Variants in MAMDC4 observed in about 807,000 individuals in gnomAD.
MAMDC4 encodes apical endosomal glycoprotein.
In MAMDC4, 168 loss-of-function variants were observed where a neutral mutation model predicts 153.3. That is an observed-to-expected ratio of 1.10 (90% CI 0.97 to 1.25). MAMDC4 has a LOEUF of 1.25. Among genes scored for constraint, MAMDC4 ranks in the 50% most tolerant of loss-of-function variants. The pLI, the probability that MAMDC4 is intolerant of heterozygous loss-of-function variation, is 0.00. For synonymous variants in MAMDC4, 744 were observed against 651.5 expected, an observed-to-expected ratio of 1.14 and a Z score of -2.16; for missense variants, 1,701 against 1,542.8, an observed-to-expected ratio of 1.10 and a Z score of -1.72.
rs774212328 is a variant in MAMDC4 at position 136,853,830 on chromosome 9, T to TGGCAGAGCACAGGGCCCTGG, written c.512_531dup (p.Pro178ArgfsTer15). On this transcript the variant is annotated frameshift_variant, in exon 5 of 27. Transcript: ENST00000317446. LOFTEE classifies it high-confidence loss of function. ...CCATGGCGCAGAGACCCTGACCCTG[T>TGGCAGAGCACAGGGCCCTGG]GGCAGAGCACAGGGCCCTGGGGCCC... 10 of 1,560,692 alleles carry TGGCAGAGCACAGGGCCCTGG rather than the reference T, an allele frequency of 6.4e-6. No individual in the cohort carries two copies. Among genetic ancestry groups the TGGCAGAGCACAGGGCCCTGG allele is most frequent in the East Asian group, 2.2e-5 (1 of 44,862 alleles).
chr9:136,853,525 T>G lies in MAMDC4; in HGVS notation c.329-20T>G. On this transcript the variant is annotated intron_variant, in intron 3 of 26. Transcript: ENST00000317446. Reference sequence around the variant, plus strand: ...CCTCCTTGCTCCCTGCCCCGTCTCCTGACCTCTCACCTGCGCCAGGCTGGT... The same window carrying G: ...CCTCCTTGCTCCCTGCCCCGTCTCCGGACCTCTCACCTGCGCCAGGCTGGT... 6.2e-7 allele frequency: 1 copy of G among 1,612,576 alleles called. No homozygotes were observed. The highest frequency in any genetic ancestry group is 8.5e-7 in the Non-Finnish European group (1 of 1,179,932).
Position 136,854,021 on chromosome 9 carries a change from C to A in MAMDC4, c.615C>A (p.Thr205=). The change falls in exon 6 of 27, where the codon ACC becomes ACA. Residue 205 remains threonine (T), a synonymous_variant. Transcript: ENST00000317446. ...RVTFSATRNA[T]HRGAVALDDL... ...CCTTCTCTGCCACCCGAAATGCCACCCACAGGGGCGCTGTGGCTCTAGATG... is the reference window on the plus strand; with the variant it reads ...CCTTCTCTGCCACCCGAAATGCCACACACAGGGGCGCTGTGGCTCTAGATG... 6.2e-7 allele frequency: 1 copy of A among 1,612,956 alleles called. No homozygotes were observed. Among genetic ancestry groups the A allele is most frequent in the Non-Finnish European group, 8.5e-7 (1 of 1,179,944 alleles).
Position 136,860,543 on chromosome 9 carries a change from C to T in MAMDC4, c.3373-19C>T, listed in dbSNP as rs558363523. On this transcript the variant is annotated intron_variant, in intron 26 of 26. Coordinates refer to ENST00000317446, the MANE Select transcript of MAMDC4 (RefSeq NM_206920.3). Reference sequence around the variant, plus strand: ...TCTCAGGAAAGAAAGAAAAAAAAAGCTCCTCTTCCTCCTCCTAGGATGGTG... The same window carrying T: ...TCTCAGGAAAGAAAGAAAAAAAAAGTTCCTCTTCCTCCTCCTAGGATGGTG... The T allele has an allele frequency of 6.2e-7, 1 of 1,608,292 alleles. No individual in the cohort carries two copies. The highest frequency in any genetic ancestry group is 2.2e-5 in the East Asian group (1 of 44,762).
chr9:136,853,975 G>T lies in MAMDC4; in HGVS notation c.586-17G>T. 1 of 1,612,986 alleles carries T rather than the reference G, an allele frequency of 6.2e-7. No homozygotes were observed. Among genetic ancestry groups the T allele is most frequent in the Non-Finnish European group, 8.5e-7 (1 of 1,179,944 alleles). On this transcript the variant is annotated splice_polypyrimidine_tract_variant and intron_variant, in intron 5 of 26. Transcript: ENST00000317446. ...GTCTGGGCCCTGACTTAGGTCCTAA[G>T]AGCCTGTTCTCTTCAGGTGACCTTC...
chr9:136,853,518 C>T (rs910463420), intron 3 of MAMDC4, 27 bp from the exon 4 acceptor site: 6 of 1,612,442 alleles, frequency 3.7e-6, no homozygotes, highest in Admixed American at 1.7e-5. Context: ...CTCCCTGCCC[C>T]GTCTCCTGAC....
rs899173609 is a variant in MAMDC4, at chr9:136,856,662, G to A, written c.1721-48G>A. The A allele has an allele frequency of 1.2e-5, 19 of 1,577,782 alleles. No homozygotes were observed. The Admixed American group carries it at 3.2e-4, about 26-fold the overall frequency. On this transcript the variant is annotated intron_variant, in intron 14 of 26. Coordinates refer to ENST00000317446, the MANE Select transcript of MAMDC4 (RefSeq NM_206920.3). The stretch of plus-strand genomic sequence containing the variant: ...GGAGCTTCCACCTTCTCAGGGCTCT[G>A]GAGGGGGAGGGGAGAAGGTGTGTGA...
chr9:136,856,669 G>C, intron 14 of MAMDC4, 41 bp from the exon 15 acceptor site: 1 of 1,588,942 alleles, frequency 6.3e-7, no homozygotes, highest in Non-Finnish European at 8.6e-7. Context: ...TCTGGAGGGG[G>C]AGGGGAGAAG....
Position 136,858,266 on chromosome 9 carries a change from C to A in MAMDC4, c.2664C>A (p.Cys888Ter). ...ATCTGCTCCTCCAGGACGGGCCCTG[C>A]CCTCAGCCAGGTGGGAGCCCTGCCG... is the stretch of plus-strand genomic sequence containing the variant. ...LDDLLLQDGP[C>*]PQPGSCDFES... is the part of the protein sequence containing the mutation. Residue 888 changes from cysteine (C) to a stop codon, truncating the protein, a stop_gained, in exon 21 of 27, where the codon TGC (cysteine) becomes TGA (stop). Coordinates refer to ENST00000317446, the MANE Select transcript of MAMDC4 (RefSeq NM_206920.3). LOFTEE classifies it high-confidence loss of function. 2 of 1,601,650 alleles carry A rather than the reference C, an allele frequency of 1.2e-6. No individual in the cohort carries two copies. The highest frequency in any genetic ancestry group is 1.7e-6 in the Non-Finnish European group (2 of 1,179,004).
In MAMDC4 at chr9:136,857,590, T is replaced by C. The variant is rs367899714; in HGVS notation, c.2326+4T>C. On this transcript the variant is annotated splice_donor_region_variant and intron_variant, in intron 18 of 26. Coordinates refer to ENST00000317446, the MANE Select transcript of MAMDC4 (RefSeq NM_206920.3). Reference sequence around the variant, plus strand: ...CATACCACTGAGACAGCCCAAGGTATGGGGGCCTGGCAGGGGCAGGGATTG... The same window carrying C: ...CATACCACTGAGACAGCCCAAGGTACGGGGGCCTGGCAGGGGCAGGGATTG... 8 of 1,612,188 alleles carry C rather than the reference T, an allele frequency of 5.0e-6. No individual in the cohort carries two copies. In the African/African-American group the frequency reaches 6.7e-5, roughly 13 times the overall value.
chr9:136,855,198 G>C, intron 10 of MAMDC4, 56 bp from the exon 11 acceptor site: 1 of 1,578,640 alleles, frequency 6.3e-7, no homozygotes, highest in Non-Finnish European at 8.6e-7. Flanking sequence ...GGGTGGACAG[G>C]GACCAGACCC....
rs1564388830 is a variant in MAMDC4 at position 136,858,749 on chromosome 9, TGGGCCCCGGGGGCC to T, written c.2858_2871del (p.Pro953ArgfsTer26). 1.1e-5 allele frequency: 18 copies of T among 1,611,654 alleles called. No individual in the cohort carries two copies. Among genetic ancestry groups the T allele is most frequent in the Non-Finnish European group, 1.5e-5 (18 of 1,179,572 alleles). On this transcript the variant is annotated frameshift_variant, in exon 23 of 27. Coordinates refer to ENST00000317446, the MANE Select transcript of MAMDC4 (RefSeq NM_206920.3). LOFTEE classifies it high-confidence loss of function. Reference sequence around the variant, plus strand: ...TTTGCCTTCTTTGAAACTGGCGTGCTGGGCCCCGGGGGCCGGGCCGCCTGGCTGCGCAGCGAGCC... The same window carrying T: ...TTTGCCTTCTTTGAAACTGGCGTGCTGGGCCGCCTGGCTGCGCAGCGAGCC...
At position 136,858,090 on chromosome 9, in the gene MAMDC4, C is replaced by T. The variant is rs1220947059; in HGVS notation, c.2576C>T (p.Ala859Val). Residue 859 changes from alanine (A) to valine (V), a missense_variant, in exon 20 of 27, where the codon GCC becomes GTC. Transcript: ENST00000317446. Reference protein sequence around the residue: ...LGSMDVQAERAWRVVFEAVAA... With the variant: ...LGSMDVQAERVWRVVFEAVAA... ...AGCATGGACGTGCAGGCCGAGCGAG[C>T]CTGGAGGGTGAGTGCAGGGTGGGGT... The T allele has an allele frequency of 3.3e-6, 5 of 1,532,828 alleles. No individual in the cohort carries two copies. The South Asian group carries it at 6.0e-5, about 18-fold the overall frequency. The allele number at this position is 1,532,828 out of a possible 1,614,324, so 95.0% of individuals were successfully genotyped here.
Position 136,853,307 on chromosome 9 carries a change from C to T in MAMDC4, c.177C>T (p.Thr59=), listed in dbSNP as rs1564384741. The T allele has an allele frequency of 6.2e-7, 1 of 1,602,458 alleles. No homozygotes were observed. The highest frequency in any genetic ancestry group is 8.5e-7 in the Non-Finnish European group (1 of 1,172,574). The change falls in exon 3 of 27, where the codon ACC becomes ACT. Residue 59 remains threonine (T), a synonymous_variant. Transcript: ENST00000317446. ...CAGGTTACCACGGGGCCTCGCCCACCCTGGGCGCCCCCTTCGCCTGTGACT... is the reference window on the plus strand; with the variant it reads ...CAGGTTACCACGGGGCCTCGCCCACTCTGGGCGCCCCCTTCGCCTGTGACT... ...AQCGYHGASP[T]LGAPFACDFE...
rs1474597626 is a variant in MAMDC4, at chr9:136,855,760, TG to T, written c.1505del (p.Gly502AlafsTer41). On this transcript the variant is annotated frameshift_variant, in exon 13 of 27. Transcript: ENST00000317446. LOFTEE classifies it high-confidence loss of function. ...GTTDFESPEA[G>X]GWEDASVGRL... ...CCACAGACTTTGAGTCCCCCGAGGCTGGGGGCTGGGAGGACGCCAGCGTGGG... is the reference window on the plus strand; with the variant it reads ...CCACAGACTTTGAGTCCCCCGAGGCTGGGGCTGGGAGGACGCCAGCGTGGG... 1 of 1,569,840 alleles carries T rather than the reference TG, an allele frequency of 6.4e-7. No individual in the cohort carries two copies. The highest frequency in any genetic ancestry group is 8.6e-7 in the Non-Finnish European group (1 of 1,158,518).
chr9:136,856,472 T>C (rs1183184712), intron 14 of MAMDC4: 1 of 783,038 alleles, frequency 1.3e-6, no homozygotes, highest in Admixed American at 1.7e-5. Context: ...AGCTGGAGTT[T>C]GTCGGTTTGG....
At position 136,859,062 on chromosome 9, in the gene MAMDC4, G is replaced by A. The variant is rs1296046471; in HGVS notation, c.3014G>A (p.Gly1005Asp). The A allele has an allele frequency of 6.4e-7, 1 of 1,556,384 alleles. No homozygotes were observed. Among genetic ancestry groups the A allele is most frequent in the Non-Finnish European group, 8.7e-7 (1 of 1,149,618 alleles). Residue 1005 changes from glycine (G) to aspartate (D), a missense_variant, in exon 24 of 27, where the codon GGC (glycine) becomes GAC (aspartate). Physicochemically the swap from Gly to Asp is moderately conservative, Grantham distance 94. Transcript: ENST00000317446. Reference sequence around the variant, plus strand: ...GCTCAGGGCCAGCTGGCTGTGTGGGGCGCAGGCGGGCATCGGCGGCACCAG... The same window carrying A: ...GCTCAGGGCCAGCTGGCTGTGTGGGACGCAGGCGGGCATCGGCGGCACCAG... Reference protein sequence around the residue: ...HSAQGQLAVWGAGGHRRHQWL... With the variant: ...HSAQGQLAVWDAGGHRRHQWL...
chr9:136,858,397 C>T lies in MAMDC4; in HGVS notation c.2675-3C>T. On this transcript the variant is annotated splice_polypyrimidine_tract_variant and splice_region_variant and intron_variant, in intron 21 of 26. Transcript: ENST00000317446. ...GCACCACTCACCCACCCATGTCCTG[C>T]AGGTTCCTGTGATTTTGAGTCTGGC... 1 of 1,601,926 alleles carries T rather than the reference C, an allele frequency of 6.2e-7. No homozygotes were observed. Among genetic ancestry groups the T allele is most frequent in the Non-Finnish European group, 8.5e-7 (1 of 1,179,834 alleles).
At chr9:136,859,805 G>T (rs538466342) in intron 25 of MAMDC4, 81 bp from the exon 26 acceptor site, 1 of 1,471,636 alleles carries the variant, frequency 6.8e-7, no homozygotes, top group African/African-American at 1.4e-5. Flanking sequence ...GAGGCTGAGG[G>T]ACCATGCAGC....
At position 136,856,763 on chromosome 9, in the gene MAMDC4, TCAGA is replaced by T. The variant is rs1430806202; in HGVS notation, c.1777_1780del (p.Asp593HisfsTer69). On this transcript the variant is annotated frameshift_variant, in exon 15 of 27. Transcript: ENST00000317446. LOFTEE classifies it high-confidence loss of function. ...ATGCAGCTGGTACCCAGGCCACCTC[TCAGA>T]CACACACTGGCGCTGGGTGGAGAGC... The T allele has an allele frequency of 1.7e-5, 27 of 1,612,268 alleles. No homozygotes were observed. Among genetic ancestry groups the T allele is most frequent in the Non-Finnish European group, 2.2e-5 (26 of 1,179,788 alleles).
Sources: allele counts gnomAD v4.1 joint callset, GRCh38; gene constraint gnomAD v4.1.1; transcripts MANE v1.5; gene names NCBI Gene and HGNC (gene_info 2026-07-23, HGNC 2026-07-21).